Variants in UNC13B observed in about 807,000 individuals in gnomAD.
The protein encoded by UNC13B is protein unc-13 homolog B.
UNC13B carries 144 observed loss-of-function variants against 211.0 expected under a neutral mutation model. The observed-to-expected ratio is 0.68, with a 90% CI of 0.60 to 0.78. The LOEUF is 0.78. Among genes scored for constraint, UNC13B ranks in the 30% least tolerant of loss-of-function variants. The pLI, the probability that UNC13B is intolerant of heterozygous loss-of-function variation, is 0.00. For missense variants in UNC13B, 1,777 were observed against 2,002.0 expected (o/e 0.89, Z 2.14); for synonymous variants, 709 against 725.8 (o/e 0.98, Z 0.37).
Position 35,381,171 on chromosome 9 carries a change from G to C in UNC13B, c.10447G>C (p.Glu3483Gln). The C allele has an allele frequency of 6.2e-7, 1 of 1,614,126 alleles. No individual in the cohort carries two copies. Among genetic ancestry groups the C allele is most frequent in the East Asian group, 2.2e-5 (1 of 44,886 alleles). The part of the protein sequence containing the change: ...LQISVEIKGE[E>Q]KVAPYHVQYT... ...AATCAGTGTGGAGATCAAGGGGGAG[G>C]AGAAAGTAGCCCCATACCACGTGCA... is the stretch of plus-strand genomic sequence containing the variant. Residue 3483 changes from glutamate (E) to glutamine (Q), a missense_variant, in exon 19 of 40, where the codon GAG becomes CAG. Glu to Gln is a conservative substitution (Grantham distance 29). Coordinates refer to ENST00000635942, the MANE Select transcript of UNC13B (RefSeq NM_001371189.2).
intron 7 of UNC13B, among the ~76,000 whole-genome samples, chr9:35,286,226 CTTTTTTT>C (rs777657602): frequency 4.2e-5 from 5 of 117,662 alleles, no homozygotes; most frequent in Non-Finnish European, 8.8e-5. Flanking sequence ...AAGCTTGGAA[CTTTTTTT>C]TTTTTTTTTT....
chr9:35,269,881 GAGTATC>G (rs746807815), intron 7 of UNC13B, among the ~76,000 whole-genome samples: 1 of 151,912 alleles, frequency 6.6e-6, no homozygotes, highest in Non-Finnish European at 1.5e-5. Context: ...CTTTTAAAAT[GAGTATC>G]ACTATGGACA....
chr9:35,255,022 TATATA>T (rs555329161), intron 6 of UNC13B, among the ~76,000 whole-genome samples: 2,902 of 119,370 alleles, frequency 0.024, 122 homozygotes, highest in African/African-American at 0.084. Flanking sequence ...AATATATGTA[TATATA>T]ATATAATATA....
At position 35,404,066 on chromosome 9, in the gene UNC13B, G is replaced by A; in HGVS notation, c.*33G>A. 1 of 1,595,970 alleles carries A rather than the reference G, an allele frequency of 6.3e-7. No individual in the cohort carries two copies. The highest frequency in any genetic ancestry group is 8.5e-7 in the Non-Finnish European group (1 of 1,170,962). Reference sequence around the variant, plus strand: ...CGACTCCTGTGCCAATCAGGCAGCAGCAATTTCACAAATCAGGGCCAGTGG... The same window carrying A: ...CGACTCCTGTGCCAATCAGGCAGCAACAATTTCACAAATCAGGGCCAGTGG... On this transcript the variant is annotated 3_prime_UTR_variant, in exon 40 of 40. Coordinates refer to ENST00000635942, the MANE Select transcript of UNC13B (RefSeq NM_001371189.2).
chr9:35,162,231 G>A lies in UNC13B; in HGVS notation c.-53G>A. On this transcript the variant is annotated 5_prime_UTR_variant, in exon 1 of 40. Coordinates refer to ENST00000635942, the MANE Select transcript of UNC13B (RefSeq NM_001371189.2). Reference sequence around the variant, plus strand: ...TCGCGGCACCTGCTGAGAGGAAAGAGGGAGCGGTCCGGCGCGGCTGGGGCG... The same window carrying A: ...TCGCGGCACCTGCTGAGAGGAAAGAAGGAGCGGTCCGGCGCGGCTGGGGCG... 2 of 1,542,054 alleles carry A rather than the reference G, an allele frequency of 1.3e-6. No individual in the cohort carries two copies. Among genetic ancestry groups the A allele is most frequent in the Non-Finnish European group, 8.7e-7 (1 of 1,146,626 alleles).
In UNC13B at chr9:35,308,401, G is replaced by T; in HGVS notation, c.8997G>T (p.Met2999Ile). 5.0e-6 allele frequency: 2 copies of T among 398,916 alleles called. No individual in the cohort carries two copies. Among genetic ancestry groups the T allele is most frequent in the South Asian group, 2.6e-4 (2 of 7,802 alleles). The allele number at this position is 398,916 out of a possible 1,614,324, so 24.7% of individuals were successfully genotyped here. A position where few individuals can be genotyped will look rare whatever the true frequency, so the allele number is the denominator to read the frequency against. ...CTCTGAATGACATCAAGGAGCCCAT[G>T]ACCAACAAAAGGCCTGTTCTTAACT... ...PVTLNDIKEP[M>I]TNKSPTSSSR... Residue 2999 changes from methionine to isoleucine, a missense_variant, in exon 9 of 40, where the codon ATG becomes ATT. Met to Ile is a conservative substitution (Grantham distance 10). Coordinates refer to ENST00000635942, the MANE Select transcript of UNC13B (RefSeq NM_001371189.2).
chr9:35,178,885 CAAAAAAAAAAAAAAA>C (rs35487632), intron 1 of UNC13B, among the ~76,000 whole-genome samples: 4 of 61,120 alleles, frequency 6.5e-5, no homozygotes, highest in African/African-American at 2.6e-4. Flanking sequence ...GAGACAGCCT[CAAAAAAAAAAAAAAA>C]AAAAAAAAAG....
At chr9:35,170,646 A>T (rs912915844) in intron 1 of UNC13B, among the ~76,000 whole-genome samples, 12 of 150,804 alleles carry the variant, frequency 8.0e-5, no homozygotes, top group East Asian at 2.0e-4. Context: ...TTAAAAAAAA[A>T]TTTTTTTTAG....
rs1302077197 is a variant in UNC13B at position 35,211,957 on chromosome 9, G to A, written c.23-16058G>A. 4.6e-5 allele frequency among the ~76,000 whole-genome samples: 7 copies of A among 152,240 alleles called. No individual in the cohort carries two copies. The East Asian group carries it at 7.7e-4, about 17-fold the overall frequency. ...TGGGCTCAAGTGATCCTTCTGCCTC[G>A]GCCTCTGAAAGTGTGGGGATTACAG... is the stretch of plus-strand genomic sequence containing the variant. On this transcript the variant is annotated intron_variant, in intron 1 of 39. Transcript: ENST00000635942.
At chr9:35,183,710 C>T (rs1295123712) in intron 1 of UNC13B, among the ~76,000 whole-genome samples, 2 of 137,592 alleles carry the variant, frequency 1.5e-5, no homozygotes, top group South Asian at 2.4e-4. Flanking sequence ...TGGGCAGAGG[C>T]GCTCCTCACT....
At position 35,381,167 on chromosome 9, in the gene UNC13B, G is replaced by A; in HGVS notation, c.10443G>A (p.Gly3481=). 6.2e-7 allele frequency: 1 copy of A among 1,614,102 alleles called. No individual in the cohort carries two copies. Among genetic ancestry groups the A allele is most frequent in the Non-Finnish European group, 8.5e-7 (1 of 1,180,006 alleles). The change falls in exon 19 of 40, where the codon GGG becomes GGA. Residue 3481 remains glycine (G), a synonymous_variant. Transcript: ENST00000635942. ...IRLQISVEIK[G]EEKVAPYHVQ... ...TACAAATCAGTGTGGAGATCAAGGG[G>A]GAGGAGAAAGTAGCCCCATACCACG... is the stretch of plus-strand genomic sequence containing the variant.
At chr9:35,169,775 G>A (rs1385776525) in intron 1 of UNC13B, among the ~76,000 whole-genome samples, 17 of 152,160 alleles carry the variant, frequency 1.1e-4, no homozygotes. Flanking sequence ...TATAAGTAGC[G>A]TATTCTGTAA....
intron 3 of UNC13B, among the ~76,000 whole-genome samples, chr9:35,233,045 A>T (rs1157118542): frequency 6.6e-6 from 1 of 152,192 alleles, no homozygotes; most frequent in South Asian, 2.1e-4. Flanking sequence ...TCAAGATTAT[A>T]TAAGCCTCAT....
At chr9:35,234,385 A>G (rs1053029497) in intron 3 of UNC13B, among the ~76,000 whole-genome samples, 6 of 152,142 alleles carry the variant, frequency 3.9e-5, no homozygotes, top group African/African-American at 1.2e-4. Context: ...CTCCCAACAT[A>G]CTGAGATTAC....
At chr9:35,384,824 C>A in intron 22 of UNC13B, 1 of 821,336 alleles carries the variant, frequency 1.2e-6, no homozygotes, top group Non-Finnish European at 1.5e-6. Flanking sequence ...GTTACTGGGA[C>A]GGGACAGGAT....
intron 7 of UNC13B, 57 bp downstream of exon 7, chr9:35,259,107 T>G (rs946284865): frequency 6.4e-7 from 1 of 1,561,164 alleles, no homozygotes; most frequent in African/African-American, 1.4e-5. Context: ...GTCGCTTCTC[T>G]GAACATGGGT....
chr9:35,401,448 G>A (rs1427766590), intron 37 of UNC13B, among the ~76,000 whole-genome samples: 1 of 152,100 alleles, frequency 6.6e-6, no homozygotes. Context: ...TACAGAGCTG[G>A]GTACATGTTC....
At chr9:35,225,994 G>A (rs907459006) in intron 1 of UNC13B, among the ~76,000 whole-genome samples, 9 of 152,098 alleles carry the variant, frequency 5.9e-5, no homozygotes, top group Non-Finnish European at 1.2e-4. Context: ...CTAGTCCCTA[G>A]ACCTCCAGGA....
intron 11 of UNC13B, chr9:35,352,660 C>A: frequency 8.1e-7 from 1 of 1,231,998 alleles, no homozygotes; most frequent in South Asian, 4.1e-5. Flanking sequence ...GCTTTCTACT[C>A]AAGAACAATT....
Sources: gnomAD v4.1 joint callset for allele counts (sites outside exome capture counted in the v4.1 genomes callset) on GRCh38, gnomAD v4.1.1 for gene constraint, MANE v1.5 for transcripts, NCBI Gene and HGNC (gene_info 2026-07-23, HGNC 2026-07-21) for gene names.